OSBPL5: variants seen among roughly 807,000 people sequenced by gnomAD.
OSBPL5 encodes oxysterol binding protein like 5, also known as oxysterol-binding protein-related protein 5.
A neutral mutation model predicts 111.2 loss-of-function variants in OSBPL5; 71 were observed. The observed-to-expected ratio is 0.64, with a 90% CI of 0.53 to 0.78. The LOEUF is 0.78. Ranked by LOEUF, OSBPL5 falls within the 30% of genes least tolerant of loss-of-function variation. The pLI, the probability that OSBPL5 is intolerant of heterozygous loss-of-function variation, is 0.00. For missense variants in OSBPL5, 1,210 were observed against 1,189.3 expected (o/e 1.02, Z -0.26); for synonymous variants, 549 against 513.9 (o/e 1.07, Z -0.93).
At chr11:3,099,486 T>G (rs1206040670) in intron 14 of OSBPL5, among the ~76,000 whole-genome samples, 1 of 152,122 alleles carries the variant, frequency 6.6e-6, no homozygotes, top group Non-Finnish European at 1.5e-5. Context: ...ACACAGGAAC[T>G]CTCTGTACTT....
At chr11:3,127,329 C>T (rs184903866) in intron 2 of OSBPL5, among the ~76,000 whole-genome samples, 7 of 152,316 alleles carry the variant, frequency 4.6e-5, no homozygotes, top group African/African-American at 1.4e-4. Context: ...AGGCCACAGG[C>T]GACAGGCCAG....
At chr11:3,138,812 C>T (rs762323524) in intron 1 of OSBPL5, among the ~76,000 whole-genome samples, 8 of 152,246 alleles carry the variant, frequency 5.3e-5, no homozygotes, top group Admixed American at 1.3e-4. Context: ...GGGCTGTGGC[C>T]GCCTAGGGAC....
chr11:3,107,659 G>C lies in OSBPL5; in HGVS notation c.866+112C>G, dbSNP rs1420325730. ...CACACTGCAGCGAACAAGTCCCTGC[G>C]TGCAGCCTGCAGCCCACCAGAGCAG... On this transcript the variant is annotated intron_variant, in intron 8 of 21. Transcript: ENST00000263650. This position sits in a 1 kb window ranked among gnomAD's most constrained non-coding sequence, Gnocchi z 6.1. The C allele has an allele frequency of 6.9e-7, 1 of 1,457,402 alleles. No homozygotes were observed. The highest frequency in any genetic ancestry group is 1.4e-5 in the African/African-American group (1 of 71,854). 90.3% of individuals were successfully genotyped at this position (1,457,402 alleles called of 1,614,324 possible). A position where few individuals can be genotyped will look rare whatever the true frequency, so the allele number is the denominator to read the frequency against.
rs1345670052 is a variant in OSBPL5, at chr11:3,162,871, C to T, written c.-22+2345G>A. 1.3e-5 allele frequency among the ~76,000 whole-genome samples: 2 copies of T among 152,162 alleles called. No individual in the cohort carries two copies. ...CAGCATGCCTGTCCCTGTCGGGAGGCCAGTGGCCCTCACTTGTACCCCCCA... is the reference window on the plus strand; with the variant it reads ...CAGCATGCCTGTCCCTGTCGGGAGGTCAGTGGCCCTCACTTGTACCCCCCA... On this transcript the variant is annotated intron_variant, in intron 1 of 21. Coordinates refer to ENST00000263650, the MANE Select transcript of OSBPL5 (RefSeq NM_020896.4). The surrounding 1 kb of genome is among the most constrained non-coding windows in gnomAD (Gnocchi z 8.1).
intron 1 of OSBPL5, among the ~76,000 whole-genome samples, chr11:3,148,593 T>C (rs1846451699): frequency 6.6e-6 from 1 of 152,142 alleles, no homozygotes; most frequent in Admixed American, 6.5e-5. Flanking sequence ...GGGGGCACCG[T>C]CCTCTGCACT....
In OSBPL5 at chr11:3,089,920, C is replaced by T. The variant is rs937803461; in HGVS notation, c.2427G>A (p.Arg809=). 19 of 1,563,626 alleles carry T rather than the reference C, an allele frequency of 1.2e-5. No homozygotes were observed. Among genetic ancestry groups the T allele is most frequent in the Admixed American group, 3.7e-5 (2 of 53,336 alleles). The change falls in exon 21 of 22, where the codon AGG becomes AGA. Residue 809 remains arginine (R), a synonymous_variant. Transcript: ENST00000263650. The part of the protein sequence containing the change: ...PGGESPCPRC[R]KEARRLQALH... ...GGGCCTGCAGCCGCCGCGCCTCCTT[C>T]CTGCACCGAGGGCATGGGCTCTCAC...
At chr11:3,112,077 G>GTGTGTGTATGTGTGTGTGCA (rs1564837753) in intron 7 of OSBPL5, among the ~76,000 whole-genome samples, 73 of 98,692 alleles carry the variant, frequency 7.4e-4, no homozygotes, top group African/African-American at 2.3e-3. Context: ...GTGTGTGCAT[G>GTGTGTGTATGTGTGTGTGCA]TGTGTGTGCA....
intron 1 of OSBPL5, among the ~76,000 whole-genome samples, chr11:3,148,420 C>A (rs1417809500): frequency 6.6e-6 from 1 of 152,236 alleles, no homozygotes; most frequent in East Asian, 1.9e-4. Flanking sequence ...GTACTTTGCC[C>A]CCCACACCTT....
intron 12 of OSBPL5, 105 bp downstream of exon 12, chr11:3,102,078 C>T (rs1326434976): frequency 8.3e-7 from 1 of 1,207,602 alleles, no homozygotes; most frequent in Non-Finnish European, 1.2e-6. Context: ...GGAAGCCGGC[C>T]CTCGGGGTCA....
chr11:3,094,423 C>A, intron 14 of OSBPL5, 89 bp from the exon 15 acceptor site: 1 of 1,012,650 alleles, frequency 9.9e-7, no homozygotes, highest in East Asian at 2.5e-5. Context: ...GCACCGATCC[C>A]TGAGTCCCGA....
chr11:3,101,167 G>T (rs1341973940), intron 13 of OSBPL5, among the ~76,000 whole-genome samples: 1 of 151,948 alleles, frequency 6.6e-6, no homozygotes. Context: ...TAGAGACAGG[G>T]TTTCACCATG....
At chr11:3,122,235 AC>A in intron 4 of OSBPL5, 112 bp downstream of exon 4, 1 of 1,349,938 alleles carries the variant, frequency 7.4e-7, no homozygotes, top group Non-Finnish European at 1.0e-6. Flanking sequence ...TGTGGAGGCG[AC>A]CAGGTGCGGT....
In OSBPL5 at chr11:3,142,432, A is replaced by T. The variant is rs954401747; in HGVS notation, c.-21-13263T>A. Among the ~76,000 whole-genome samples, 6 of 152,096 alleles carry T rather than the reference A, an allele frequency of 3.9e-5. No individual in the cohort carries two copies. The highest frequency in any genetic ancestry group is 1.3e-4 in the Admixed American group (2 of 15,274). On this transcript the variant is annotated intron_variant, in intron 1 of 21. Transcript: ENST00000263650. The surrounding 1 kb of genome is among the most constrained non-coding windows in gnomAD (Gnocchi z 7.1). ...CCTACCTCTCCACCACGACCCCTCC[A>T]TGCCCTGCTGCCACAAGGGCCCAGG...
intron 1 of OSBPL5, among the ~76,000 whole-genome samples, chr11:3,133,563 G>T (rs1327746036): frequency 1.3e-5 from 2 of 152,226 alleles, no homozygotes; most frequent in Admixed American, 1.3e-4. Flanking sequence ...TCCATGCCCT[G>T]GGGGGCTGGC....
chr11:3,129,521 T>A (rs1253061856), intron 1 of OSBPL5, among the ~76,000 whole-genome samples: 1 of 151,978 alleles, frequency 6.6e-6, no homozygotes, highest in Non-Finnish European at 1.5e-5. Context: ...AGACACAGGT[T>A]TTCCCTCCCG....
intron 1 of OSBPL5, among the ~76,000 whole-genome samples, chr11:3,149,535 G>A (rs1048072028): frequency 6.6e-5 from 10 of 152,188 alleles, no homozygotes; most frequent in African/African-American, 2.4e-4. Flanking sequence ...CAGGGGTGCC[G>A]CCCGCGCAGG....
chr11:3,143,333 G>A (rs1846203674), intron 1 of OSBPL5, among the ~76,000 whole-genome samples: 1 of 152,120 alleles, frequency 6.6e-6, no homozygotes, highest in African/African-American at 2.4e-5. Context: ...GGGCTGCACT[G>A]TGGGCGAAAA....
At chr11:3,131,756 A>T (rs1845798248) in intron 1 of OSBPL5, among the ~76,000 whole-genome samples, 1 of 101,546 alleles carries the variant, frequency 9.8e-6, no homozygotes. Context: ...CCATCCATCC[A>T]TCCACCATCT....
At chr11:3,143,078 T>G (rs1590712415) in intron 1 of OSBPL5, among the ~76,000 whole-genome samples, 3 of 47,822 alleles carry the variant, frequency 6.3e-5, no homozygotes, top group South Asian at 1.3e-3. Context: ...AGGAGGCAGG[T>G]GCAGAGGGGG....
Sources: gnomAD v4.1 joint callset for allele counts (sites outside exome capture counted in the v4.1 genomes callset) on GRCh38, gnomAD v4.1.1 for gene constraint, Gnocchi (gnomAD v3.1) non-coding constraint, MANE v1.5 for transcripts, NCBI Gene and HGNC (gene_info 2026-07-23, HGNC 2026-07-21) for gene names.